Variants in EYS observed in about 807,000 individuals in gnomAD.
EYS encodes the protein protein eyes shut homolog.
Under a neutral mutation model 282.1 loss-of-function variants are expected in EYS, and 250 were observed. That is an observed-to-expected ratio of 0.89 (90% CI 0.80 to 0.98). EYS has a LOEUF of 0.98. Among genes scored for constraint, EYS ranks in the 50% least tolerant of loss-of-function variants. The pLI is 0.00. For missense variants in EYS, 4,016 were observed against 3,709.0 expected (o/e 1.08, Z -2.15); for synonymous variants, 1,355 against 1,282.9 (o/e 1.06, Z -1.20).
At chr6:64,082,089 C>T in intron 31 of EYS, 87 bp from the exon 32 acceptor site, 1 of 895,890 alleles carries the variant, frequency 1.1e-6, no homozygotes, top group Admixed American at 3.0e-5. Context: ...AGTTAGCATT[C>T]ATTTGAAAAG....
chr6:65,291,473 A>C (rs1768523812), intron 12 of EYS, among the ~76,000 whole-genome samples: 1 of 151,538 alleles, frequency 6.6e-6, no homozygotes, highest in Non-Finnish European at 1.5e-5. Context: ...AAGCCATAAA[A>C]AGTGAGGTTG....
At chr6:65,007,122 G>T (rs2150130903) in intron 13 of EYS, among the ~76,000 whole-genome samples, 1 of 152,158 alleles carries the variant, frequency 6.6e-6, no homozygotes, top group South Asian at 2.1e-4. Flanking sequence ...GGGTAAAACA[G>T]ATGCAGGACT....
Position 64,590,393 on chromosome 6 carries a change from G to T in EYS, c.5474C>A (p.Thr1825Asn), listed in dbSNP as rs182151153. The change falls in exon 26 of 43, where the codon ACC (threonine) becomes AAC (asparagine). Residue 1825 changes from threonine (T) to asparagine (N), a missense_variant. Physicochemically the swap from Thr to Asn is moderately conservative, Grantham distance 65. Transcript: ENST00000503581. ...PDWPYFTDYM[T>N]SLKKEVKTSS... ...AGTCTTGACCTCTTTTTTAAGAGAG[G>T]TCATATAATCTGTAAAATATGGCCA... 2.2e-4 allele frequency: 335 copies of T among 1,551,298 alleles called. No individual in the cohort carries two copies. The African/African-American group carries it at 4.4e-3, about 20-fold the overall frequency.
intron 30 of EYS, among the ~76,000 whole-genome samples, chr6:64,301,877 GT>G (rs1245428352): frequency 6.6e-6 from 1 of 151,988 alleles, no homozygotes; most frequent in Non-Finnish European, 1.5e-5. Flanking sequence ...ATTGTTCTGG[GT>G]TTACTAGCAC....
intron 22 of EYS, among the ~76,000 whole-genome samples, chr6:64,802,022 T>TGTTTTTTTG (rs1562199348): frequency 5.7e-4 from 75 of 131,632 alleles, no homozygotes; most frequent in African/African-American, 2.3e-3. Flanking sequence ...AATTTCTTTT[T>TGTTTTTTTG]CTTTTTTTTT....
intron 35 of EYS, among the ~76,000 whole-genome samples, chr6:63,881,233 C>G (rs1773123979): frequency 6.6e-6 from 1 of 152,130 alleles, no homozygotes; most frequent in South Asian, 2.1e-4. Context: ...CAGTGATTCA[C>G]TATAAAATGC....
intron 33 of EYS, among the ~76,000 whole-genome samples, chr6:64,000,167 A>ATTTTTTTT (rs1768013927): frequency 2.3e-5 from 1 of 43,528 alleles, no homozygotes; most frequent in African/African-American, 7.2e-5. Context: ...AAGACATGGG[A>ATTTTTTTT]CTTTTTTTTT....
chr6:64,896,740 C>T (rs1767483732), intron 18 of EYS, among the ~76,000 whole-genome samples: 1 of 152,024 alleles, frequency 6.6e-6, no homozygotes, highest in African/African-American at 2.4e-5. Context: ...CTGAAGTCCA[C>T]CTGGGATGCT....
chr6:64,017,155 C>A (rs1397200514), intron 33 of EYS, among the ~76,000 whole-genome samples: 1 of 151,962 alleles, frequency 6.6e-6, no homozygotes, highest in African/African-American at 2.4e-5. Context: ...TGAGACCCCA[C>A]AAACACTCCT....
chr6:64,540,206 A>G (rs567914155), intron 26 of EYS, among the ~76,000 whole-genome samples: 1 of 152,284 alleles, frequency 6.6e-6, no homozygotes, highest in East Asian at 1.9e-4. Context: ...TGCAACCTCA[A>G]TCCCAGATTC....
At chr6:65,052,671 G>A (rs937172711) in intron 13 of EYS, among the ~76,000 whole-genome samples, 3 of 151,542 alleles carry the variant, frequency 2.0e-5, no homozygotes, top group Non-Finnish European at 4.4e-5. Flanking sequence ...CAGGGAAAGT[G>A]AAAACTCATT....
intron 33 of EYS, among the ~76,000 whole-genome samples, chr6:64,011,541 A>T (rs78277621): frequency 2.1e-5 from 3 of 144,614 alleles, no homozygotes; most frequent in Non-Finnish European, 3.0e-5. Context: ...TCTGTCTCAT[A>T]TTTTTTTTTC....
At chr6:63,836,723 C>T (rs1771818377) in intron 36 of EYS, among the ~76,000 whole-genome samples, 1 of 151,868 alleles carries the variant, frequency 6.6e-6, no homozygotes, top group Non-Finnish European at 1.5e-5. Context: ...TTGCACCAAC[C>T]AAATAGTTAT....
chr6:64,173,201 C>A (rs2150308020), intron 31 of EYS, among the ~76,000 whole-genome samples: 1 of 152,226 alleles, frequency 6.6e-6, no homozygotes, highest in East Asian at 1.9e-4. Context: ...TAAATGACTT[C>A]ATATCTGTAA....
At chr6:65,549,391 C>A (rs1768516513) in intron 2 of EYS, among the ~76,000 whole-genome samples, 1 of 152,078 alleles carries the variant, frequency 6.6e-6, no homozygotes, top group Non-Finnish European at 1.5e-5. Context: ...TGCTCTATAC[C>A]AGAATTTGGC....
intron 22 of EYS, among the ~76,000 whole-genome samples, chr6:64,670,646 T>C (rs1251514433): frequency 2.6e-5 from 4 of 152,040 alleles, no homozygotes; most frequent in African/African-American, 9.7e-5. Context: ...AGCAGGAAAA[T>C]GCAATCTTGC....
At chr6:65,083,950 C>T (rs1388131727) in intron 12 of EYS, among the ~76,000 whole-genome samples, 1 of 151,262 alleles carries the variant, frequency 6.6e-6, no homozygotes, top group African/African-American at 2.4e-5. Context: ...TTCATATGTA[C>T]CAGAAATATT....
chr6:64,223,355 G>T (rs1175447885), intron 31 of EYS, among the ~76,000 whole-genome samples: 5 of 152,006 alleles, frequency 3.3e-5, no homozygotes, highest in Admixed American at 3.3e-4. Flanking sequence ...TTCATCAAAT[G>T]TTAAGTTTCT....
chr6:64,019,397 A>G (rs1355464937), intron 33 of EYS, among the ~76,000 whole-genome samples: 1 of 151,212 alleles, frequency 6.6e-6, no homozygotes, highest in African/African-American at 2.4e-5. Flanking sequence ...AATAAAGGGC[A>G]AGATATTTTC....
Sources: allele counts gnomAD v4.1 joint callset (sites outside exome capture counted in the v4.1 genomes callset), GRCh38; gene constraint gnomAD v4.1.1; transcripts MANE v1.5; gene names NCBI Gene and HGNC (gene_info 2026-07-23, HGNC 2026-07-21).